The following WDR41 variants were observed in gnomAD, a reference collection of about 807,000 sequenced individuals.
WDR41 encodes WD repeat-containing protein 41.
A neutral mutation model predicts 69.3 loss-of-function variants in WDR41; 63 were observed. The observed-to-expected ratio is 0.91, with a 90% CI of 0.74 to 1.12. WDR41 has a LOEUF of 1.12. Ranked by LOEUF, WDR41 falls within the 50% of genes most tolerant of loss-of-function variation. The pLI is 0.00. For synonymous variants in WDR41, 185 were observed against 192.1 expected (o/e 0.96, Z 0.31); for missense variants, 543 against 534.5 (o/e 1.02, Z -0.16).
intron 1 of WDR41, among the ~76,000 whole-genome samples, chr5:77,513,716 A>T (rs557133298): frequency 3.9e-5 from 6 of 152,340 alleles, no homozygotes; most frequent in African/African-American, 1.4e-4. Flanking sequence ...AAAAACAGTT[A>T]ATCATTTCCA....
intron 1 of WDR41, among the ~76,000 whole-genome samples, chr5:77,538,664 CA>C (rs2112220328): frequency 1.3e-5 from 2 of 152,158 alleles, no homozygotes; most frequent in South Asian, 4.1e-4. Flanking sequence ...CATAAGATTC[CA>C]AAAAGACAGG....
chr5:77,492,533 T>C (rs1801860655), upstream of WDR41: 1 of 348,610 alleles, frequency 2.9e-6, no homozygotes, highest in Admixed American at 4.9e-5. Flanking sequence ...CGCCGCCGGG[T>C]AGCGCACGGA....
rs187459348 is a variant in WDR41, at chr5:77,548,121, C to T, written c.43-58549G>A. ...CTGGATCCTCATATCTCACCTTATA[C>T]AAAAATAACTCAAGATGGATTAAGT... On this transcript the variant is annotated intron_variant, in intron 1 of 5. Coordinates refer to the WDR41 transcript ENST00000509971. Among the ~76,000 whole-genome samples, 251 of 152,228 alleles carry T rather than the reference C, an allele frequency of 1.6e-3. 1 individual carries two copies. The highest frequency in any genetic ancestry group is 5.4e-3 in the African/African-American group (226 of 41,544).
intron 1 of WDR41, among the ~76,000 whole-genome samples, chr5:77,614,000 C>T (rs909788178): frequency 9.9e-5 from 15 of 152,176 alleles, no homozygotes; most frequent in African/African-American, 3.4e-4. Flanking sequence ...TGAACAGACA[C>T]TTCTCAAAAG....
At chr5:77,603,239 G>C (rs1744357660) in intron 1 of WDR41, among the ~76,000 whole-genome samples, 1 of 152,066 alleles carries the variant, frequency 6.6e-6, no homozygotes, top group Admixed American at 6.6e-5. Flanking sequence ...CCCAGCCCTT[G>C]TCTTTTTAAT....
intron 1 of WDR41, among the ~76,000 whole-genome samples, chr5:77,516,635 T>C (rs1219690994): frequency 1.3e-5 from 2 of 152,234 alleles, no homozygotes; most frequent in African/African-American, 2.4e-5. Context: ...CTCTGTATTA[T>C]GACCCAAGAC....
intron 1 of WDR41, among the ~76,000 whole-genome samples, chr5:77,584,665 G>A (rs1029293955): frequency 6.6e-6 from 1 of 152,112 alleles, no homozygotes; most frequent in African/African-American, 2.4e-5. Flanking sequence ...TAATTAGCAA[G>A]CCAAATACTT....
intron 1 of WDR41, among the ~76,000 whole-genome samples, chr5:77,544,532 C>T (rs1447213007): frequency 6.6e-6 from 1 of 151,930 alleles, no homozygotes; most frequent in Non-Finnish European, 1.5e-5. Flanking sequence ...TTATATCAGA[C>T]ACAACAAACT....
At chr5:77,485,182 C>T (rs998488886) in intron 2 of WDR41, among the ~76,000 whole-genome samples, 2 of 152,074 alleles carry the variant, frequency 1.3e-5, no homozygotes, top group Admixed American at 1.3e-4. Flanking sequence ...CTATTGCATG[C>T]TTAGTGTCTC....
At chr5:77,541,768 G>A (rs2112225495) in intron 1 of WDR41, among the ~76,000 whole-genome samples, 1 of 152,228 alleles carries the variant, frequency 6.6e-6, no homozygotes, top group Admixed American at 6.5e-5. Flanking sequence ...GTTGGGATTA[G>A]AAGCATGAGC....
chr5:77,472,214 A>C (rs1346269474), intron 2 of WDR41, among the ~76,000 whole-genome samples: 1 of 152,204 alleles, frequency 6.6e-6, no homozygotes, highest in Non-Finnish European at 1.5e-5. Context: ...CCTTTGACAA[A>C]ATTCAACAAC....
At chr5:77,608,015 A>T (rs1744459917) in intron 1 of WDR41, among the ~76,000 whole-genome samples, 1 of 152,192 alleles carries the variant, frequency 6.6e-6, no homozygotes, top group South Asian at 2.1e-4. Context: ...GTTCAATGGC[A>T]GCCATCCACA....
chr5:77,579,891 T>C (rs2112288463), intron 1 of WDR41, among the ~76,000 whole-genome samples: 1 of 152,126 alleles, frequency 6.6e-6, no homozygotes, highest in East Asian at 1.9e-4. Flanking sequence ...GTGTAATATA[T>C]TTGCCAATGG....
chr5:77,470,322 A>G (rs531288513), intron 2 of WDR41, among the ~76,000 whole-genome samples: 268 of 152,328 alleles, frequency 1.8e-3, no homozygotes, highest in African/African-American at 6.4e-3. Context: ...CACTGCAAAA[A>G]CATGCCAAAT....
chr5:77,582,186 T>A (rs547125605), intron 1 of WDR41, among the ~76,000 whole-genome samples: 1 of 152,240 alleles, frequency 6.6e-6, no homozygotes, highest in South Asian at 2.1e-4. Flanking sequence ...GTAAAAAGAA[T>A]TATCAAAGAA....
chr5:77,520,513 C>G (rs1252049203), intron 1 of WDR41, among the ~76,000 whole-genome samples: 1 of 152,074 alleles, frequency 6.6e-6, no homozygotes, highest in Non-Finnish European at 1.5e-5. Context: ...GACCTGACAC[C>G]GCATTGAACA....
intron 8 of WDR41, among the ~76,000 whole-genome samples, chr5:77,443,376 A>C (rs1799251624): frequency 6.6e-6 from 1 of 152,184 alleles, no homozygotes; most frequent in Non-Finnish European, 1.5e-5. Flanking sequence ...AGAAATCTCT[A>C]ATGACCACAT....
At chr5:77,598,888 G>C (rs571810959) in intron 1 of WDR41, among the ~76,000 whole-genome samples, 1 of 151,984 alleles carries the variant, frequency 6.6e-6, no homozygotes, top group Admixed American at 6.6e-5. Flanking sequence ...CCAAAGTCAA[G>C]GAAGCCATAA....
chr5:77,534,806 T>C (rs562220829), intron 1 of WDR41, among the ~76,000 whole-genome samples: 20 of 152,308 alleles, frequency 1.3e-4, no homozygotes, highest in African/African-American at 4.1e-4. Context: ...GAGCTGAGGA[T>C]ACCAACATGA....
Sources: gnomAD v4.1 joint callset for allele counts (sites outside exome capture counted in the v4.1 genomes callset) on GRCh38, gnomAD v4.1.1 for gene constraint, MANE v1.5 for transcripts, NCBI Gene and HGNC (gene_info 2026-07-23, HGNC 2026-07-21) for gene names.